Variants in SDHAF3 observed in about 807,000 individuals in gnomAD.
SDHAF3 encodes the protein succinate dehydrogenase complex assembly factor 3.
SDHAF3 carries 18 observed loss-of-function variants against 11.5 expected under a neutral mutation model. The ratio of observed to expected loss-of-function variants is 1.56; its 90% CI spans 1.08 to 2.32. The LOEUF is 2.32. SDHAF3 is among the 30% of genes most tolerant of loss of function. SDHAF3 has a pLI of 0.00. For missense variants in SDHAF3, 200 were observed against 154.4 expected (o/e 1.30, Z -1.57); for synonymous variants, 72 against 59.3 (o/e 1.21, Z -0.99).
intron 1 of SDHAF3, among the ~76,000 whole-genome samples, chr7:97,163,293 C>T (rs1262925813): frequency 6.6e-6 from 1 of 152,004 alleles, no homozygotes; most frequent in Non-Finnish European, 1.5e-5. Flanking sequence ...AGGCACCCGC[C>T]ACCATGCCCA....
chr7:97,121,841 GTTTT>G (rs59598335), intron 1 of SDHAF3, among the ~76,000 whole-genome samples: 2 of 135,760 alleles, frequency 1.5e-5, no homozygotes, highest in Admixed American at 7.5e-5. Flanking sequence ...AGGTTTTTTG[GTTTT>G]TTTTTTTTGT....
At chr7:97,128,903 C>A (rs1791620614) in intron 1 of SDHAF3, among the ~76,000 whole-genome samples, 1 of 151,922 alleles carries the variant, frequency 6.6e-6, no homozygotes, top group South Asian at 2.1e-4. Flanking sequence ...TAGGATCTTG[C>A]TCTGTTGCCC....
chr7:97,156,942 G>A (rs939567075), intron 1 of SDHAF3, among the ~76,000 whole-genome samples: 13 of 152,002 alleles, frequency 8.6e-5, no homozygotes, highest in Admixed American at 5.9e-4. Flanking sequence ...ATTTACATTA[G>A]GTATTTCTCT....
chr7:97,129,095 A>AT (rs1246842836), intron 1 of SDHAF3, among the ~76,000 whole-genome samples: 1 of 152,168 alleles, frequency 6.6e-6, no homozygotes, highest in Non-Finnish European at 1.5e-5. Context: ...CAAAGGGGAC[A>AT]TTTTTTGTTT....
chr7:97,131,640 A>G (rs1267857315), intron 1 of SDHAF3, among the ~76,000 whole-genome samples: 1 of 152,202 alleles, frequency 6.6e-6, no homozygotes, highest in Non-Finnish European at 1.5e-5. Context: ...GAGTTAAACT[A>G]TTGAATCAAA....
chr7:97,144,647 T>G (rs1789107140), intron 1 of SDHAF3, among the ~76,000 whole-genome samples: 1 of 152,194 alleles, frequency 6.6e-6, no homozygotes, highest in East Asian at 1.9e-4. Flanking sequence ...ATTTCTGGGT[T>G]CCCTATTCTG....
In SDHAF3 at chr7:97,157,650, A is replaced by G. The variant is rs1481001405; in HGVS notation, c.175-23362A>G. On this transcript the variant is annotated intron_variant, in intron 1 of 1. Coordinates refer to ENST00000432641, the MANE Select transcript of SDHAF3 (RefSeq NM_020186.3). ...CCAAAGGATTATAAATCATGCTGCT[A>G]TAAAGACACATGCATACGTATGTTT... is the stretch of plus-strand genomic sequence containing the variant. Among the ~76,000 whole-genome samples the G allele has an allele frequency of 4.5e-4, 68 of 152,298 alleles. 1 individual carries two copies. The highest frequency in any genetic ancestry group is 1.5e-4 in the Non-Finnish European group (10 of 68,038).
chr7:97,150,090 A>C (rs977742365), intron 1 of SDHAF3, among the ~76,000 whole-genome samples: 1 of 152,254 alleles, frequency 6.6e-6, no homozygotes, highest in Non-Finnish European at 1.5e-5. Flanking sequence ...ATCAGATTAC[A>C]GCAAGTCAGT....
At chr7:97,122,625 A>T (rs1195025003) in intron 1 of SDHAF3, among the ~76,000 whole-genome samples, 1 of 152,180 alleles carries the variant, frequency 6.6e-6, no homozygotes, top group Admixed American at 6.5e-5. Context: ...ACCAGTAACC[A>T]GAATAGTCAT....
At chr7:97,173,518 A>G (rs1381757824) in intron 1 of SDHAF3, among the ~76,000 whole-genome samples, 1 of 151,272 alleles carries the variant, frequency 6.6e-6, no homozygotes, top group African/African-American at 2.4e-5. Flanking sequence ...AGTCATGACC[A>G]TACTATTATG....
At chr7:97,131,610 A>C (rs1439930073) in intron 1 of SDHAF3, among the ~76,000 whole-genome samples, 2 of 152,160 alleles carry the variant, frequency 1.3e-5, no homozygotes, top group African/African-American at 4.8e-5. Context: ...ACCTCTTAAG[A>C]TGTGATTATA....
chr7:97,159,184 A>T (rs1789357743), intron 1 of SDHAF3, among the ~76,000 whole-genome samples: 1 of 152,244 alleles, frequency 6.6e-6, no homozygotes, highest in Admixed American at 6.5e-5. Flanking sequence ...TTAATATGAT[A>T]AAAATGTATG....
At chr7:97,173,525 T>C (rs1247281771) in intron 1 of SDHAF3, among the ~76,000 whole-genome samples, 1 of 150,632 alleles carries the variant, frequency 6.6e-6, no homozygotes, top group Admixed American at 6.7e-5. Flanking sequence ...ACCATACTAT[T>C]ATGTCACCTC....
chr7:97,143,664 ACT>A (rs1491304511), intron 1 of SDHAF3, among the ~76,000 whole-genome samples: 80 of 112,460 alleles, frequency 7.1e-4, no homozygotes, highest in African/African-American at 2.8e-3. Context: ...GTAGTGTTCC[ACT>A]GTGTGTGTGT....
At chr7:97,140,789 C>T (rs1022197612) in intron 1 of SDHAF3, among the ~76,000 whole-genome samples, 1 of 152,168 alleles carries the variant, frequency 6.6e-6, no homozygotes. Flanking sequence ...GCGTTAACTG[C>T]ACAAATTGTT....
rs7803945 is a variant in SDHAF3 at position 97,130,054 on chromosome 7, G to A, written c.174+12157G>A. On this transcript the variant is annotated intron_variant, in intron 1 of 1. Coordinates refer to ENST00000432641, the MANE Select transcript of SDHAF3 (RefSeq NM_020186.3). ...GTGGAGCCCGAAAACTTGGAGATGC[G>A]AGGAACTGTGGAGCCCCAAAGGGGG... Among the ~76,000 whole-genome samples the A allele has an allele frequency of 1.2e-4, 18 of 151,998 alleles. No individual in the cohort carries two copies. The East Asian group carries it at 3.3e-3, about 28-fold the overall frequency.
chr7:97,122,003 G>A (rs952812736), intron 1 of SDHAF3, among the ~76,000 whole-genome samples: 8 of 151,940 alleles, frequency 5.3e-5, no homozygotes, highest in Admixed American at 2.0e-4. Context: ...GACTACAGGC[G>A]CCCACCACTG....
At chr7:97,160,672 G>A (rs1584228172) in intron 1 of SDHAF3, among the ~76,000 whole-genome samples, 1 of 152,218 alleles carries the variant, frequency 6.6e-6, no homozygotes, top group East Asian at 1.9e-4. Context: ...GCTGTAAGCG[G>A]TTGTAAATAT....
intron 1 of SDHAF3, among the ~76,000 whole-genome samples, chr7:97,173,771 C>G (rs1370411362): frequency 1.3e-5 from 2 of 152,042 alleles, no homozygotes; most frequent in Non-Finnish European, 2.9e-5. Flanking sequence ...CCAGGATGAT[C>G]TCAATCTCCT....
Sources: gnomAD v4.1 joint callset for allele counts (sites outside exome capture counted in the v4.1 genomes callset) on GRCh38, gnomAD v4.1.1 for gene constraint, MANE v1.5 for transcripts, NCBI Gene and HGNC (gene_info 2026-07-23, HGNC 2026-07-21) for gene names.